The following ARMC3 variants were observed in gnomAD, a reference collection of about 807,000 sequenced individuals.
ARMC3 encodes the protein armadillo repeat-containing protein 3.
In ARMC3, 74 loss-of-function variants were observed where a neutral mutation model predicts 90.3. The observed-to-expected ratio is 0.82, with a 90% CI of 0.68 to 0.99. The LOEUF is 0.99. Among genes scored for constraint, ARMC3 ranks in the 50% least tolerant of loss-of-function variants. The pLI is 0.00. For synonymous variants in ARMC3, 334 were observed against 361.8 expected, an observed-to-expected ratio of 0.92 and a Z score of 0.87; for missense variants, 958 against 1,042.8, an observed-to-expected ratio of 0.92 and a Z score of 1.12.
intron 16 of ARMC3, among the ~76,000 whole-genome samples, chr10:23,026,492 A>G (rs1479092372): frequency 6.6e-6 from 1 of 152,128 alleles, no homozygotes; most frequent in African/African-American, 2.4e-5. Flanking sequence ...ACCAACTTAT[A>G]TTAACTGACA....
At chr10:22,951,722 A>C (rs1032708851) in intron 3 of ARMC3, among the ~76,000 whole-genome samples, 26 of 152,238 alleles carry the variant, frequency 1.7e-4, no homozygotes, top group Non-Finnish European at 1.5e-5. Context: ...ATTAAAACAC[A>C]GCAAAAGTGC....
intron 16 of ARMC3, chr10:23,014,563 A>G (rs539283859): frequency 1.0e-4 from 91 of 890,750 alleles, no homozygotes; most frequent in Non-Finnish European, 1.1e-4. Context: ...ATGCCCATCA[A>G]TGATCGACTG....
intron 1 of ARMC3, among the ~76,000 whole-genome samples, chr10:22,931,578 A>G (rs1366327133): frequency 6.6e-6 from 1 of 152,210 alleles, no homozygotes; most frequent in Non-Finnish European, 1.5e-5. Flanking sequence ...GTAGGTATTT[A>G]GGATAGATCA....
rs763139902 is a variant in ARMC3 at position 22,931,978 on chromosome 10, T to C, written c.-1-18T>C. 1.3e-5 allele frequency: 20 copies of C among 1,596,472 alleles called. No homozygotes were observed. The highest frequency in any genetic ancestry group is 1.7e-5 in the Non-Finnish European group (20 of 1,169,886). ...ATGTGCAAATGTCACTTTAACCATA[T>C]ATTGCATCTTTTTCCAGGATGGGTA... On this transcript the variant is annotated intron_variant, in intron 1 of 18. Transcript: ENST00000298032.
chr10:22,975,815 T>TAGG lies in ARMC3; in HGVS notation c.917-5525_917-5524insAGG, dbSNP rs1164023410. 1.6e-4 allele frequency among the ~76,000 whole-genome samples: 25 copies of TAGG among 152,330 alleles called. No homozygotes were observed. In the East Asian group the frequency reaches 4.8e-3, roughly 29 times the overall value. ...GAAGCTAGTTTTTTCCACTATACTTTGGATTCTTGTTTTTGTTTCACTTAA... is the reference window on the plus strand; with the variant it reads ...GAAGCTAGTTTTTTCCACTATACTTTAGGGGATTCTTGTTTTTGTTTCACTTAA... On this transcript the variant is annotated intron_variant, in intron 8 of 18. Coordinates refer to ENST00000298032, the MANE Select transcript of ARMC3 (RefSeq NM_173081.5).
At chr10:22,928,810 G>A (rs962910327) in intron 1 of ARMC3, among the ~76,000 whole-genome samples, 3 of 152,218 alleles carry the variant, frequency 2.0e-5, no homozygotes, top group Admixed American at 2.0e-4. Context: ...TTAAAGCAAT[G>A]AAGGGAAACT....
intron 2 of ARMC3, among the ~76,000 whole-genome samples, chr10:22,941,721 T>G (rs1485980251): frequency 1.3e-5 from 2 of 152,186 alleles, no homozygotes; most frequent in Non-Finnish European, 2.9e-5. Context: ...TGATGGAGTT[T>G]CCATCTGGTA....
chr10:23,002,921 C>T (rs982708311), intron 12 of ARMC3, among the ~76,000 whole-genome samples: 9 of 152,170 alleles, frequency 5.9e-5, no homozygotes, highest in Non-Finnish European at 4.4e-5. Context: ...AATTTCTAAA[C>T]ATTTGGCTTC....
chr10:23,004,340 A>G (rs951737196), intron 13 of ARMC3, among the ~76,000 whole-genome samples: 1 of 152,186 alleles, frequency 6.6e-6, no homozygotes, highest in African/African-American at 2.4e-5. Context: ...AAGCAAAACT[A>G]GGAAGCAGAT....
chr10:22,951,925 C>T (rs112049386), intron 3 of ARMC3, among the ~76,000 whole-genome samples: 6,634 of 152,100 alleles, frequency 0.044, 456 homozygotes, highest in African/African-American at 0.15. Flanking sequence ...GGTCAGGAGA[C>T]TGAGACCATA....
chr10:23,011,718 G>C (rs1430484791), intron 16 of ARMC3, among the ~76,000 whole-genome samples: 1 of 152,042 alleles, frequency 6.6e-6, no homozygotes, highest in Admixed American at 6.5e-5. Flanking sequence ...GCTTGCATGT[G>C]ACCTTGGTTT....
At chr10:22,969,414 A>G (rs1202106251) in intron 8 of ARMC3, among the ~76,000 whole-genome samples, 2 of 152,218 alleles carry the variant, frequency 1.3e-5, no homozygotes, top group African/African-American at 4.8e-5. Context: ...TAAGTGATTT[A>G]TATTCTAAAC....
intron 16 of ARMC3, among the ~76,000 whole-genome samples, chr10:23,027,845 A>G (rs1277537268): frequency 1.4e-5 from 2 of 147,018 alleles, no homozygotes; most frequent in Non-Finnish European, 3.0e-5. Context: ...GTTTTTTTCA[A>G]TCTTTTGTTT....
At chr10:23,008,134 C>T in intron 14 of ARMC3, 142 bp from the exon 15 acceptor site, 1 of 482,366 alleles carries the variant, frequency 2.1e-6, no homozygotes, top group Non-Finnish European at 3.7e-6. Flanking sequence ...ATGACTTCTC[C>T]TTTATACTTT....
At chr10:22,931,900 A>C in intron 1 of ARMC3, 96 bp from the exon 2 acceptor site, 1 of 1,056,818 alleles carries the variant, frequency 9.5e-7, no homozygotes, top group Non-Finnish European at 1.4e-6. Flanking sequence ...GGAGGTAAAA[A>C]TTTAAAGGAG....
At chr10:22,943,535 ATTTTC>A (rs1834404102) in intron 2 of ARMC3, among the ~76,000 whole-genome samples, 2 of 151,668 alleles carry the variant, frequency 1.3e-5, no homozygotes, top group East Asian at 3.9e-4. Context: ...AAAACCAAAA[ATTTTC>A]TTTACCTGTT....
intron 8 of ARMC3, among the ~76,000 whole-genome samples, chr10:22,968,860 T>G (rs747596782): frequency 1.3e-5 from 2 of 152,204 alleles, no homozygotes; most frequent in Non-Finnish European, 2.9e-5. Context: ...TAATCAACAC[T>G]AGAGCATTTG....
At chr10:23,003,695 C>T (rs1014649054) in intron 13 of ARMC3, among the ~76,000 whole-genome samples, 25 of 152,120 alleles carry the variant, frequency 1.6e-4, no homozygotes, top group African/African-American at 5.8e-4. Flanking sequence ...CCTGGTGATG[C>T]ATATCTGTAG....
chr10:23,009,613 T>C (rs1837818648), intron 16 of ARMC3, among the ~76,000 whole-genome samples: 1 of 152,170 alleles, frequency 6.6e-6, no homozygotes, highest in Non-Finnish European at 1.5e-5. Context: ...ATTCTCCTGC[T>C]TCAACCTCCT....
Sources: allele counts gnomAD v4.1 joint callset (sites outside exome capture counted in the v4.1 genomes callset), GRCh38; gene constraint gnomAD v4.1.1; transcripts MANE v1.5; gene names NCBI Gene and HGNC (gene_info 2026-07-23, HGNC 2026-07-21).